Variants in BAZ1B observed in about 807,000 individuals in gnomAD.
BAZ1B encodes the protein bromodomain adjacent to zinc finger domain 1B.
Under a neutral mutation model 153.8 loss-of-function variants are expected in BAZ1B, and 22 were observed. That is an observed-to-expected ratio of 0.14 (90% CI 0.10 to 0.20). The LOEUF (loss-of-function observed/expected upper bound fraction) is 0.20. Among genes scored for constraint, BAZ1B ranks in the 10% least tolerant of loss-of-function variants. The pLI is 1.00. For synonymous variants in BAZ1B, 676 were observed against 633.4 expected (o/e 1.07, Z -1.01); for missense variants, 1,325 against 1,799.3 (o/e 0.74, Z 4.77).
intron 7 of BAZ1B, among the ~76,000 whole-genome samples, chr7:73,474,939 AAGATACAC>A (rs1304605893): frequency 1.2e-4 from 18 of 152,236 alleles, no homozygotes; most frequent in African/African-American, 4.3e-4. Flanking sequence ...TACTTCGCCA[AAGATACAC>A]AGGTGGCCAG....
chr7:73,444,998 G>T (rs1787776235), intron 16 of BAZ1B, among the ~76,000 whole-genome samples: 1 of 148,004 alleles, frequency 6.8e-6, no homozygotes, highest in Non-Finnish European at 1.5e-5. Context: ...TGGGAAACAA[G>T]GGTGTAACTC....
At chr7:73,499,295 T>C (rs1193855947) in intron 3 of BAZ1B, among the ~76,000 whole-genome samples, 1 of 152,198 alleles carries the variant, frequency 6.6e-6, no homozygotes, top group Non-Finnish European at 1.5e-5. Flanking sequence ...CCCAAAGGGC[T>C]GGGATTACAG....
rs1790005362 is a variant in BAZ1B at position 73,498,516 on chromosome 7, T to C, written c.552A>G (p.Glu184=). ...ACATACTAATACTCTCTCTCCTTCC[T>C]TCATCCTCTTTCACAACTGTCTCCT... ...QKKETVVKED[E]GRRESINDRA... Residue 184 remains glutamate, a synonymous_variant, in exon 4 of 20, where the codon GAA becomes GAG. Coordinates refer to ENST00000339594, the MANE Select transcript of BAZ1B (RefSeq NM_032408.4). 1 of 1,613,824 alleles carries C rather than the reference T, an allele frequency of 6.2e-7. No homozygotes were observed. The highest frequency in any genetic ancestry group is 8.5e-7 in the Non-Finnish European group (1 of 1,179,860).
intron 1 of BAZ1B, among the ~76,000 whole-genome samples, chr7:73,519,004 G>A (rs1289711250): frequency 1.3e-5 from 2 of 152,158 alleles, no homozygotes; most frequent in Admixed American, 6.6e-5. Flanking sequence ...TGTTTTCCAA[G>A]ATCTAGTGTC....
At chr7:73,521,309 A>G (rs1791029238) in intron 1 of BAZ1B, among the ~76,000 whole-genome samples, 1 of 152,160 alleles carries the variant, frequency 6.6e-6, no homozygotes, top group Non-Finnish European at 1.5e-5. Context: ...CGGGAGACGA[A>G]AAAAACGCCA....
chr7:73,494,631 C>A (rs1789802169), intron 4 of BAZ1B, among the ~76,000 whole-genome samples: 1 of 151,934 alleles, frequency 6.6e-6, no homozygotes. Flanking sequence ...CACGTGTGGT[C>A]CCAGCTACTC....
At chr7:73,476,475 G>A (rs1003935713) in intron 7 of BAZ1B, among the ~76,000 whole-genome samples, 2 of 152,124 alleles carry the variant, frequency 1.3e-5, no homozygotes, top group Admixed American at 6.6e-5. Context: ...ATCTTATCAA[G>A]CATATGAGGA....
chr7:73,466,306 G>T lies in BAZ1B; in HGVS notation c.2962C>A (p.Gln988Lys). ...AVETTTPKQG[Q>K]NLWFLCDSQK... ...GAATGCTCACATTACCATAGGTTCT[G>T]TCCTTGTTTGGGTGTGGTTGTCTCT... is the stretch of plus-strand genomic sequence containing the variant. Residue 988 changes from glutamine to lysine, a missense_variant, in exon 10 of 20, where the codon CAG becomes AAG. Gln to Lys is a moderately conservative substitution (Grantham distance 53). Coordinates refer to ENST00000339594, the MANE Select transcript of BAZ1B (RefSeq NM_032408.4). 1 of 1,607,636 alleles carries T rather than the reference G, an allele frequency of 6.2e-7. No homozygotes were observed. Among genetic ancestry groups the T allele is most frequent in the African/African-American group, 1.3e-5 (1 of 74,904 alleles).
chr7:73,443,856 C>T, intron 17 of BAZ1B, 128 bp downstream of exon 17: 1 of 1,429,188 alleles, frequency 7.0e-7, no homozygotes, highest in South Asian at 1.2e-5. Flanking sequence ...CCTCCCCAGC[C>T]TCCCAAGTTT....
chr7:73,465,497 T>C lies in BAZ1B; in HGVS notation c.3013A>G (p.Asn1005Asp), dbSNP rs782506347. 6.2e-7 allele frequency: 1 copy of C among 1,611,638 alleles called. No individual in the cohort carries two copies. The highest frequency in any genetic ancestry group is 2.2e-5 in the East Asian group (1 of 44,784). Reference protein sequence around the residue: ...DSQKELDELLNCLHPQGIRES... With the variant: ...DSQKELDELLDCLHPQGIRES... ...CTTATTCCCTGAGGGTGAAGACAGT[T>C]TAGCAACTCATCCAGCTCCTTTTGA... is the stretch of plus-strand genomic sequence containing the variant. The change falls in exon 11 of 20, where the codon AAC becomes GAC. Residue 1005 changes from asparagine to aspartate, a missense_variant. Asn to Asp is a conservative substitution (Grantham distance 23, BLOSUM62 1). Around this residue, in one of 9 missense-constraint regions of BAZ1B, gnomAD observed 431 missense variants for 563.5 expected, o/e 0.76. Transcript: ENST00000339594.
chr7:73,480,636 A>C (rs1789163999), intron 6 of BAZ1B, among the ~76,000 whole-genome samples: 2 of 152,246 alleles, frequency 1.3e-5, no homozygotes, highest in Non-Finnish European at 2.9e-5. Flanking sequence ...TGGCACTCAC[A>C]GATATGAACA....
In BAZ1B at chr7:73,477,892, T is replaced by C. The variant is rs903465954; in HGVS notation, c.1569A>G (p.Gln523=). The stretch of plus-strand genomic sequence containing the variant: ...TGTGCTCTAGAAGTTCATAGCGTTT[T>C]TGAACAAGACTTCGCAATTCTTCTG... ...RLPEELRSLV[Q]KRYELLEHKK... Residue 523 remains glutamine (Q), a synonymous_variant, in exon 7 of 20, where the codon CAA becomes CAG. Coordinates refer to ENST00000339594, the MANE Select transcript of BAZ1B (RefSeq NM_032408.4). The surrounding 1 kb of genome is among the most constrained non-coding windows in gnomAD (Gnocchi z 5.6). 1.2e-6 allele frequency: 2 copies of C among 1,614,076 alleles called. No homozygotes were observed. The highest frequency in any genetic ancestry group is 1.1e-5 in the South Asian group (1 of 91,080).
intron 15 of BAZ1B, 77 bp from the exon 16 acceptor site, chr7:73,447,456 G>C: frequency 1.3e-6 from 2 of 1,500,054 alleles, no homozygotes; most frequent in Non-Finnish European, 1.8e-6. Flanking sequence ...ATCCCACAGG[G>C]ATCAGGAAAC....
intron 7 of BAZ1B, among the ~76,000 whole-genome samples, chr7:73,472,742 A>AATTT (rs112634031): frequency 4.9e-4 from 71 of 145,768 alleles, no homozygotes; most frequent in Admixed American, 5.5e-4. Flanking sequence ...ACAGCCAGCT[A>AATTT]ATTTATTTAT....
chr7:73,476,762 T>C (rs1003474531), intron 7 of BAZ1B, 106 bp downstream of exon 7: 9 of 1,495,998 alleles, frequency 6.0e-6, no homozygotes, highest in South Asian at 1.4e-5. Context: ...GGTTATTACA[T>C]ACAGAAATAA....
At chr7:73,451,494 AGATAGTT>A (rs1554568239) in intron 13 of BAZ1B, among the ~76,000 whole-genome samples, 2 of 152,180 alleles carry the variant, frequency 1.3e-5, no homozygotes, top group African/African-American at 4.8e-5. Flanking sequence ...CAAGGAACAA[AGATAGTT>A]GATTCTGTTC....
intron 4 of BAZ1B, among the ~76,000 whole-genome samples, chr7:73,497,277 A>G (rs974494102): frequency 1.3e-5 from 2 of 152,168 alleles, no homozygotes; most frequent in African/African-American, 4.8e-5. Flanking sequence ...GACAATTAGC[A>G]CTTTACTAGA....
intron 13 of BAZ1B, among the ~76,000 whole-genome samples, chr7:73,452,004 A>T (rs1364166932): frequency 6.6e-6 from 1 of 152,226 alleles, no homozygotes; most frequent in African/African-American, 2.4e-5. Flanking sequence ...CATGTAGTGC[A>T]CACAGTATGG....
intron 6 of BAZ1B, among the ~76,000 whole-genome samples, chr7:73,486,047 A>T (rs1554574445): frequency 1.3e-5 from 2 of 152,228 alleles, no homozygotes; most frequent in African/African-American, 4.8e-5. Flanking sequence ...CTAAAGCCCA[A>T]ATGTCAGTGG....
Sources: gnomAD v4.1 joint callset for allele counts (sites outside exome capture counted in the v4.1 genomes callset) on GRCh38, gnomAD v4.1.1 for gene constraint, gnomAD v4.1.1 regional missense constraint, Gnocchi (gnomAD v3.1) non-coding constraint, MANE v1.5 for transcripts, NCBI Gene and HGNC (gene_info 2026-07-23, HGNC 2026-07-21) for gene names.